Variants in CD163L1 observed in about 807,000 individuals in gnomAD.
CD163L1 encodes scavenger receptor cysteine-rich type 1 protein M160.
A neutral mutation model predicts 165.4 loss-of-function variants in CD163L1; 124 were observed. The ratio of observed to expected loss-of-function variants is 0.75; its 90% confidence interval spans 0.65 to 0.87. The LOEUF (loss-of-function observed/expected upper bound fraction) is 0.87. CD163L1 is among the 40% of genes least tolerant of loss of function. CD163L1 has a pLI of 0.00. For missense variants in CD163L1, 1,525 were observed against 1,799.9 expected (o/e 0.85, Z 2.76); for synonymous variants, 585 against 662.2 (o/e 0.88, Z 1.79).
At chr12:7,341,796 A>C (rs754078504), downstream of CD163L1, among the ~76,000 whole-genome samples, 2 of 152,204 alleles carry the variant, frequency 1.3e-5, no homozygotes, top group African/African-American at 2.4e-5. Context: ...CTTCAGTTTG[A>C]GAGTCATTTA....
chr12:7,324,242 C>A, the CD163L1 span: 1 of 1,608,606 alleles, frequency 6.2e-7, no homozygotes, highest in African/African-American at 1.3e-5. Flanking sequence ...TCTGACCAGA[C>A]TAATCCCCAA....
At chr12:7,440,407 A>C (rs1464539697) in intron 2 of CD163L1, among the ~76,000 whole-genome samples, 1 of 151,386 alleles carries the variant, frequency 6.6e-6, no homozygotes, top group Non-Finnish European at 1.5e-5. Context: ...CGGCGCGCCC[A>C]GCCCGGCCAG....
intron 5 of CD163L1, among the ~76,000 whole-genome samples, chr12:7,406,079 G>C (rs1297850051): frequency 6.6e-6 from 1 of 152,192 alleles, no homozygotes; most frequent in East Asian, 1.9e-4. Context: ...TTTTAGATAG[G>C]TACTCTTTGG....
At chr12:7,359,762 C>T (rs1946853900) in intron 18 of CD163L1, among the ~76,000 whole-genome samples, 1 of 152,128 alleles carries the variant, frequency 6.6e-6, no homozygotes, top group Non-Finnish European at 1.5e-5. Flanking sequence ...ATTTGCTCAT[C>T]TTCATTCCTG....
intron 4 of CD163L1, among the ~76,000 whole-genome samples, chr12:7,349,114 G>A (rs988854620): frequency 3.9e-5 from 6 of 152,156 alleles, no homozygotes; most frequent in Admixed American, 1.3e-4. Flanking sequence ...ATGTCTCTAC[G>A]GAAATATGTT....
chr12:7,376,519 A>C (rs1947275121), intron 9 of CD163L1, among the ~76,000 whole-genome samples: 1 of 152,180 alleles, frequency 6.6e-6, no homozygotes, highest in African/African-American at 2.4e-5. Context: ...GCATTTTTCC[A>C]AACTCCTGAC....
chr12:7,353,801 T>C (rs1946726477), downstream of CD163L1, among the ~76,000 whole-genome samples: 1 of 152,092 alleles, frequency 6.6e-6, no homozygotes, highest in Non-Finnish European at 1.5e-5. Flanking sequence ...ACTTAAACTT[T>C]CTAAACATAG....
chr12:7,362,207 TATC>T (rs1324302471), intron 18 of CD163L1, among the ~76,000 whole-genome samples: 4 of 134,696 alleles, frequency 3.0e-5, no homozygotes, highest in African/African-American at 8.7e-5. Flanking sequence ...ATATATAATA[TATC>T]ATATGTATTA....
At chr12:7,383,396 G>A (rs1184245589) in intron 8 of CD163L1, among the ~76,000 whole-genome samples, 4 of 152,030 alleles carry the variant, frequency 2.6e-5, no homozygotes, top group Admixed American at 2.6e-4. Flanking sequence ...CACCACTACT[G>A]CTATTGGTGA....
chr12:7,336,504 G>T, the CD163L1 span, among the ~76,000 whole-genome samples: 2 of 152,154 alleles, frequency 1.3e-5, no homozygotes, highest in Non-Finnish European at 2.9e-5. Context: ...ACTGGGGACT[G>T]TTGTGGGGTG....
exon 5 of CD163L1, chr12:7,346,701 G>C (rs960849022): frequency 6.6e-6 from 1 of 152,096 alleles, no homozygotes; most frequent in African/African-American, 2.4e-5. Flanking sequence ...TTTACTACAG[G>C]GAATAATTAT....
chr12:7,390,192 G>A (rs1378880068), intron 8 of CD163L1, among the ~76,000 whole-genome samples: 5 of 151,602 alleles, frequency 3.3e-5, no homozygotes, highest in Admixed American at 3.3e-4. Flanking sequence ...GGCTGGGAAG[G>A]GTGTGCGTGT....
intron 2 of CD163L1, among the ~76,000 whole-genome samples, chr12:7,440,953 G>C (rs1360830849): frequency 6.6e-6 from 1 of 152,056 alleles, no homozygotes; most frequent in Non-Finnish European, 1.5e-5. Context: ...TTTATCTGAA[G>C]GAGAAAAATG....
chr12:7,376,913 A>G (rs1947282268), intron 9 of CD163L1, among the ~76,000 whole-genome samples: 1 of 152,156 alleles, frequency 6.6e-6, no homozygotes, highest in Non-Finnish European at 1.5e-5. Flanking sequence ...AAAAATCCAG[A>G]GAGGTTATTT....
intron 8 of CD163L1, among the ~76,000 whole-genome samples, chr12:7,383,619 C>G (rs1315829164): frequency 6.6e-6 from 1 of 152,180 alleles, no homozygotes. Context: ...ACTGGCTTGT[C>G]TGGTGTCCTT....
rs1948064763 is a variant in CD163L1, at chr12:7,408,030, T to A, written c.767-1178A>T. ...AAACCCACAGATTCTAAAGGCCAAC[T>A]GTGTGTGTACATATATATTTTTACA... On this transcript the variant is annotated intron_variant, in intron 4 of 19. Transcript: ENST00000313599. Among the ~76,000 whole-genome samples, 3 of 151,822 alleles carry A rather than the reference T, an allele frequency of 2.0e-5. No individual in the cohort carries two copies. The South Asian group carries it at 6.2e-4, about 31-fold the overall frequency.
intron 4 of CD163L1, among the ~76,000 whole-genome samples, chr12:7,423,315 G>T (rs1948474257): frequency 6.6e-6 from 1 of 152,104 alleles, no homozygotes; most frequent in African/African-American, 2.4e-5. Context: ...GAATCTCTGG[G>T]ACACAGCTAA....
intron 18 of CD163L1, among the ~76,000 whole-genome samples, chr12:7,364,743 T>C (rs1173760929): frequency 1.3e-5 from 2 of 151,864 alleles, no homozygotes; most frequent in Non-Finnish European, 1.5e-5. Flanking sequence ...AAGTGAAAGA[T>C]GTATACAAAG....
intron 4 of CD163L1, among the ~76,000 whole-genome samples, chr12:7,415,654 C>T (rs1948222635): frequency 6.6e-6 from 1 of 152,064 alleles, no homozygotes; most frequent in Non-Finnish European, 1.5e-5. Context: ...TTGACTCCAA[C>T]TTATAAGTGA....
Sources: gnomAD v4.1 joint callset for allele counts (sites outside exome capture counted in the v4.1 genomes callset) on GRCh38, gnomAD v4.1.1 for gene constraint, MANE v1.5 for transcripts, NCBI Gene and HGNC (gene_info 2026-07-23, HGNC 2026-07-21) for gene names.